The following UMAD1 variants were observed in gnomAD, a reference collection of about 807,000 sequenced individuals.
UMAD1 encodes UBAP1-MVB12-associated (UMA)-domain containing protein 1.
In UMAD1, 8 loss-of-function variants were observed where a neutral mutation model predicts 6.1. The observed-to-expected ratio is 1.30, with a 90% CI of 0.76 to 2.35. The LOEUF is 2.35. Ranked by LOEUF, UMAD1 falls within the 30% of genes most tolerant of loss-of-function variation. The probability of loss-of-function intolerance (pLI) is 0.00; values close to 1 mark genes in which losing one functional copy is unlikely to be tolerated. For missense variants in UMAD1, 130 were observed against 78.4 expected (o/e 1.66, Z -2.49); for synonymous variants, 56 against 31.4 (o/e 1.78, Z -2.61).
At chr7:7,786,747 A>G (rs1417076770) in intron 2 of UMAD1, among the ~76,000 whole-genome samples, 2 of 152,218 alleles carry the variant, frequency 1.3e-5, no homozygotes, top group Non-Finnish European at 2.9e-5. Context: ...TCTGGTTTCC[A>G]GATGCCTTGC....
At chr7:7,729,787 C>T (rs1382252511) in intron 2 of UMAD1, among the ~76,000 whole-genome samples, 2 of 152,274 alleles carry the variant, frequency 1.3e-5, no homozygotes, top group Non-Finnish European at 2.9e-5. Context: ...GGTCTTGCTC[C>T]AGATTATATA....
At chr7:7,819,129 C>T (rs895084326) in intron 3 of UMAD1, among the ~76,000 whole-genome samples, 5 of 152,184 alleles carry the variant, frequency 3.3e-5, no homozygotes, top group African/African-American at 1.2e-4. Context: ...GGATTACAGG[C>T]ATGAACCACC....
At chr7:7,778,269 TGTGTGTGAGA>T (rs1445986241) in intron 2 of UMAD1, among the ~76,000 whole-genome samples, 5 of 111,684 alleles carry the variant, frequency 4.5e-5, no homozygotes, top group South Asian at 5.9e-4. Context: ...TGTGTGTGTG[TGTGTGTGAGA>T]GAGAGAGAGA....
intron 2 of UMAD1, chr7:7,736,846 A>G (rs1319208214): frequency 6.6e-6 from 1 of 152,230 alleles, no homozygotes; most frequent in East Asian, 1.9e-4. Flanking sequence ...TTACCAATGC[A>G]TCTCTGACAG....
intron 3 of UMAD1, among the ~76,000 whole-genome samples, chr7:7,828,023 A>G (rs921708023): frequency 2.0e-5 from 3 of 152,206 alleles, no homozygotes; most frequent in Non-Finnish European, 4.4e-5. Flanking sequence ...CTTCTTTTGA[A>G]TATGTCAGGT....
chr7:7,681,578 A>G (rs1779913610), intron 2 of UMAD1, among the ~76,000 whole-genome samples: 1 of 152,172 alleles, frequency 6.6e-6, no homozygotes, highest in African/African-American at 2.4e-5. Flanking sequence ...TTCACGTAAG[A>G]AGGTAATAGC....
chr7:7,677,916 G>A lies in UMAD1; in HGVS notation c.82+4463G>A, dbSNP rs62432575. Among the ~76,000 whole-genome samples the A allele has an allele frequency of 5.8e-3, 877 of 151,536 alleles. 2 individuals are homozygous for A. The highest frequency in any genetic ancestry group is 9.2e-3 in the Non-Finnish European group (627 of 67,832). On this transcript the variant is annotated intron_variant, in intron 2 of 3. Coordinates refer to ENST00000682710, the MANE Select transcript of UMAD1 (RefSeq NM_001302348.2). ...TCTCGATCTCCTGACCTCGTGATCC[G>A]CCCGCCTCGGCCTCCCAAAGTGCTG...
At chr7:7,694,262 G>A (rs1325200695) in intron 2 of UMAD1, among the ~76,000 whole-genome samples, 4 of 151,756 alleles carry the variant, frequency 2.6e-5, no homozygotes, top group East Asian at 3.9e-4. Context: ...TATATAGTAG[G>A]TATATATATT....
At chr7:7,742,985 C>G (rs1270996240) in intron 2 of UMAD1, among the ~76,000 whole-genome samples, 1 of 150,432 alleles carries the variant, frequency 6.6e-6, no homozygotes, top group Non-Finnish European at 1.5e-5. Context: ...GCGTTTTACA[C>G]TCCATGCACT....
At chr7:7,801,017 A>G (rs780124162) in intron 2 of UMAD1, among the ~76,000 whole-genome samples, 4 of 152,238 alleles carry the variant, frequency 2.6e-5, no homozygotes, top group Non-Finnish European at 5.9e-5. Flanking sequence ...AAATGGGCCA[A>G]TTATGAAATT....
intron 2 of UMAD1, among the ~76,000 whole-genome samples, chr7:7,799,755 C>G (rs1045411251): frequency 6.6e-6 from 1 of 152,186 alleles, no homozygotes; most frequent in African/African-American, 2.4e-5. Flanking sequence ...ATTGGTTTTT[C>G]CAGTGTAAAT....
At chr7:7,840,065 A>T (rs1563249923) in intron 3 of UMAD1, among the ~76,000 whole-genome samples, 2 of 152,150 alleles carry the variant, frequency 1.3e-5, no homozygotes, top group Non-Finnish European at 2.9e-5. Context: ...AAGAATAGAC[A>T]TGATGGTGAC....
intron 3 of UMAD1, among the ~76,000 whole-genome samples, chr7:7,859,862 T>C (rs1017229083): frequency 3.9e-5 from 6 of 152,226 alleles, no homozygotes; most frequent in Admixed American, 2.6e-4. Flanking sequence ...ATTTTTTCAC[T>C]AGACTGTATT....
intron 3 of UMAD1, among the ~76,000 whole-genome samples, chr7:7,816,212 G>T (rs1459741152): frequency 6.6e-6 from 1 of 151,982 alleles, no homozygotes; most frequent in East Asian, 1.9e-4. Context: ...AACATTAATG[G>T]AACCGGAATT....
At position 7,877,377 on chromosome 7, in the gene UMAD1, C is replaced by A. The variant is rs1453238869; in HGVS notation, c.253C>A (p.Leu85Ile). 1.4e-6 allele frequency: 1 copy of A among 717,546 alleles called. No individual in the cohort carries two copies. The highest frequency in any genetic ancestry group is 2.0e-5 in the Admixed American group (1 of 50,020). The allele number at this position is 717,546 out of a possible 1,614,324, so 44.4% of individuals were successfully genotyped here. ...GGAGAACAGCTCATTAATGGCCGAG[C>A]TCCTGAGCGATGTGCCGTTCACCCT... The part of the protein sequence containing the change: ...TLENSSLMAE[L>I]LSDVPFTLAP... Residue 85 changes from leucine to isoleucine, a missense_variant, in exon 4 of 4, where the codon CTC becomes ATC. Coordinates refer to ENST00000682710, the MANE Select transcript of UMAD1 (RefSeq NM_001302348.2).
intron 2 of UMAD1, among the ~76,000 whole-genome samples, chr7:7,701,814 G>A (rs191779188): frequency 7.9e-5 from 12 of 152,138 alleles, no homozygotes; most frequent in East Asian, 5.8e-4. Flanking sequence ...CCCATGTCTC[G>A]GATGACTGTC....
intron 1 of UMAD1, among the ~76,000 whole-genome samples, chr7:7,658,205 T>A (rs931559009): frequency 7.2e-5 from 11 of 152,224 alleles, no homozygotes; most frequent in Non-Finnish European, 1.2e-4. Flanking sequence ...TTAAGGAGAT[T>A]TTGGGCTGAG....
At chr7:7,875,246 C>T (rs951301852) in intron 3 of UMAD1, among the ~76,000 whole-genome samples, 6 of 152,148 alleles carry the variant, frequency 3.9e-5, no homozygotes, top group Non-Finnish European at 7.4e-5. Context: ...CAGGAAAGAT[C>T]TAAAATCGAC....
intron 2 of UMAD1, among the ~76,000 whole-genome samples, chr7:7,724,492 C>T (rs1211705287): frequency 6.6e-6 from 1 of 152,146 alleles, no homozygotes; most frequent in Non-Finnish European, 1.5e-5. Context: ...TTAGAGATGC[C>T]TCTACCTAGA....
Sources: allele counts gnomAD v4.1 joint callset (sites outside exome capture counted in the v4.1 genomes callset), GRCh38; gene constraint gnomAD v4.1.1; transcripts MANE v1.5; gene names NCBI Gene and HGNC (gene_info 2026-07-23, HGNC 2026-07-21).